UGT1A6: variants seen among roughly 807,000 people sequenced by gnomAD.
UGT1A6 encodes the protein UDP-glucuronosyltransferase 1A6.
In UGT1A6, 32 loss-of-function variants were observed where a neutral mutation model predicts 44.4. The observed-to-expected ratio is 0.72, with a 90% CI of 0.54 to 0.97. UGT1A6 has a LOEUF of 0.97. UGT1A6 is among the 50% of genes least tolerant of loss of function. The pLI is 0.00. For missense variants in UGT1A6, 685 were observed against 661.9 expected (o/e 1.03, Z -0.38); for synonymous variants, 238 against 248.5 (o/e 0.96, Z 0.40).
intron 1 of UGT1A6, chr2:233,729,792 C>A (rs370250320): frequency 4.3e-6 from 7 of 1,613,982 alleles, no homozygotes; most frequent in East Asian, 2.2e-5. Flanking sequence ...CCCTGTCCTA[C>A]ATTTGCCATG....
chr2:233,712,191 C>T (rs1334257892), intron 1 of UGT1A6, among the ~76,000 whole-genome samples: 1 of 152,204 alleles, frequency 6.6e-6, no homozygotes, highest in Non-Finnish European at 1.5e-5. Flanking sequence ...CTCCAGCTCC[C>T]CCGGTCCCTT....
chr2:233,741,332 A>G (rs1691632779), intron 1 of UGT1A6, among the ~76,000 whole-genome samples: 1 of 151,816 alleles, frequency 6.6e-6, no homozygotes, highest in South Asian at 2.1e-4. Context: ...CTCTACCCAG[A>G]GTAGTGATTT....
In UGT1A6 at chr2:233,772,799, AT is replaced by A; in HGVS notation, c.*245del. 3 of 1,169,378 alleles carry A rather than the reference AT, an allele frequency of 2.6e-6. No homozygotes were observed. The highest frequency in any genetic ancestry group is 3.4e-6 in the Non-Finnish European group (3 of 874,384). 72.4% of individuals were successfully genotyped at this position (1,169,378 alleles called of 1,614,324 possible). ...GTCTTTGATCAGGATGACATGTGCC[AT>A]TTTTCAGAGGACGTGCAGACAGGCT... is the stretch of plus-strand genomic sequence containing the variant. On this transcript the variant is annotated 3_prime_UTR_variant, in exon 5 of 5. Transcript: ENST00000305139.
chr2:233,748,732 T>A (rs1233122564), intron 1 of UGT1A6, among the ~76,000 whole-genome samples: 1 of 151,606 alleles, frequency 6.6e-6, no homozygotes, highest in East Asian at 1.9e-4. Context: ...TGTGGGGACA[T>A]CTCAGAGTTC....
intron 1 of UGT1A6, among the ~76,000 whole-genome samples, chr2:233,726,630 ATC>A (rs1038498407): frequency 3.9e-5 from 6 of 152,270 alleles, no homozygotes; most frequent in African/African-American, 1.2e-4. Context: ...ACCCAGGACA[ATC>A]TCCCCATCTT....
Position 233,744,060 on chromosome 2 carries a change from C to A in UGT1A6, c.862-22974C>A, listed in dbSNP as rs1280590393. 1.7e-5 allele frequency: 10 copies of A among 571,720 alleles called. No homozygotes were observed. The African/African-American group carries it at 2.0e-4, about 11-fold the overall frequency. 35.4% of individuals were successfully genotyped at this position (571,720 alleles called of 1,614,324 possible). On this transcript the variant is annotated intron_variant, in intron 1 of 4. Coordinates refer to ENST00000305139, the MANE Select transcript of UGT1A6 (RefSeq NM_001072.4). Reference sequence around the variant, plus strand: ...CGCAGCCACATCTCATTGGTCGAGGCCTATGAGCGCCTCGCATCCCAAGAT... The same window carrying A: ...CGCAGCCACATCTCATTGGTCGAGGACTATGAGCGCCTCGCATCCCAAGAT...
chr2:233,737,385 T>G (rs1256116347), intron 1 of UGT1A6, among the ~76,000 whole-genome samples: 3 of 152,226 alleles, frequency 2.0e-5, no homozygotes, highest in Non-Finnish European at 4.4e-5. Flanking sequence ...AGAATCTCCT[T>G]GTCTGCCAGT....
At chr2:233,746,073 G>A (rs1049176727) in intron 1 of UGT1A6, among the ~76,000 whole-genome samples, 4 of 151,780 alleles carry the variant, frequency 2.6e-5, no homozygotes, top group Admixed American at 6.6e-5. Flanking sequence ...AAGAGAAGAG[G>A]AGTCACTTCT....
At chr2:233,711,559 C>T (rs1421347641) in intron 1 of UGT1A6, among the ~76,000 whole-genome samples, 2 of 152,214 alleles carry the variant, frequency 1.3e-5, no homozygotes, top group Non-Finnish European at 2.9e-5. Context: ...GGAGAGTTCC[C>T]AAAGCCCTTG....
At position 233,713,288 on chromosome 2, in the gene UGT1A6, G is replaced by A. The variant is rs767329942; in HGVS notation, c.861+19423G>A. ...GCCTTTTGCTGGGTCACACTCAATC[G>A]TTCTTTGAAACAGAACATCTTCTGA... On this transcript the variant is annotated intron_variant, in intron 1 of 4. Coordinates refer to ENST00000305139, the MANE Select transcript of UGT1A6 (RefSeq NM_001072.4). 15 of 1,614,084 alleles carry A rather than the reference G, an allele frequency of 9.3e-6. 1 individual carries two copies. The highest frequency in any genetic ancestry group is 6.6e-5 in the South Asian group (6 of 91,090).
rs765612353 is a variant in UGT1A6 at position 233,772,386 on chromosome 2, G to T, written c.1426G>T (p.Ala476Ser). The T allele has an allele frequency of 6.2e-7, 1 of 1,614,110 alleles. No homozygotes were observed. Among genetic ancestry groups the T allele is most frequent in the Non-Finnish European group, 8.5e-7 (1 of 1,180,046 alleles). The change falls in exon 5 of 5, where the codon GCA becomes TCA. Residue 476 changes from alanine (A) to serine (S), a missense_variant. Coordinates refer to ENST00000305139, the MANE Select transcript of UGT1A6 (RefSeq NM_001072.4). Reference sequence around the variant, plus strand: ...CAAGGGCGCGCCACACCTGCGCCCCGCAGCCCACGACCTCACCTGGTACCA... The same window carrying T: ...CAAGGGCGCGCCACACCTGCGCCCCTCAGCCCACGACCTCACCTGGTACCA... ...RHKGAPHLRP[A>S]AHDLTWYQYH...
At chr2:233,708,525 G>A (rs2076022371) in intron 1 of UGT1A6, 1 of 152,220 alleles carries the variant, frequency 6.6e-6, no homozygotes, top group African/African-American at 2.4e-5. Context: ...GCCGAAGCAG[G>A]AGGATAGCTT....
Position 233,693,141 on chromosome 2 carries a change from T to C in UGT1A6, c.137T>C (p.Val46Ala). The C allele has an allele frequency of 6.2e-7, 1 of 1,614,174 alleles. No individual in the cohort carries two copies. The highest frequency in any genetic ancestry group is 8.5e-7 in the Non-Finnish European group (1 of 1,180,026). Residue 46 changes from valine to alanine, a missense_variant, in exon 1 of 5, where the codon GTT (valine) becomes GCT (alanine). Transcript: ENST00000305139. ...CACTGGCTTAGTATGAAGGATATAG[T>C]TGAGGTTCTCAGTGACCGGGGTCAT... ...GSHWLSMKDI[V>A]EVLSDRGHEI...
chr2:233,731,410 T>C (rs2078155663), intron 1 of UGT1A6, among the ~76,000 whole-genome samples: 1 of 152,132 alleles, frequency 6.6e-6, no homozygotes. Flanking sequence ...ACATTAGGTA[T>C]TTTTCCTAAT....
In UGT1A6 at chr2:233,744,645, G is replaced by A. The variant is rs1382975794; in HGVS notation, c.862-22389G>A. 2.0e-5 allele frequency among the ~76,000 whole-genome samples: 3 copies of A among 151,982 alleles called. No homozygotes were observed. In the East Asian group the frequency reaches 5.8e-4, roughly 29 times the overall value. Reference sequence around the variant, plus strand: ...GAGGTGGATTCTCATGTCAGCTTCTGTATTCAATCTACTGTGATATTACAC... The same window carrying A: ...GAGGTGGATTCTCATGTCAGCTTCTATATTCAATCTACTGTGATATTACAC... On this transcript the variant is annotated intron_variant, in intron 1 of 4. Coordinates refer to ENST00000305139, the MANE Select transcript of UGT1A6 (RefSeq NM_001072.4).
chr2:233,733,733 C>T (rs1439271515), intron 1 of UGT1A6, among the ~76,000 whole-genome samples: 1 of 152,152 alleles, frequency 6.6e-6, no homozygotes, highest in Non-Finnish European at 1.5e-5. Flanking sequence ...ATTTTTGCAT[C>T]GATGTTCATC....
rs777601918 is a variant in UGT1A6, at chr2:233,713,151, A to G, written c.861+19286A>G. ...GGAGGCCTTGCGGGACCTCCATGCGAGAGGCCACCAGGTGGTGGTCCTCAC... is the reference window on the plus strand; with the variant it reads ...GGAGGCCTTGCGGGACCTCCATGCGGGAGGCCACCAGGTGGTGGTCCTCAC... On this transcript the variant is annotated intron_variant, in intron 1 of 4. Coordinates refer to ENST00000305139, the MANE Select transcript of UGT1A6 (RefSeq NM_001072.4). 26 of 1,614,124 alleles carry G rather than the reference A, an allele frequency of 1.6e-5. No individual in the cohort carries two copies. Among genetic ancestry groups the G allele is most frequent in the Non-Finnish European group, 2.2e-5 (26 of 1,180,052 alleles).
At chr2:233,729,785 T>C (rs767360644) in intron 1 of UGT1A6, 1 of 1,614,014 alleles carries the variant, frequency 6.2e-7, no homozygotes, top group Non-Finnish European at 8.5e-7. Flanking sequence ...CCTCTGGCCC[T>C]GTCCTACATT....
chr2:233,768,215 C>T lies in UGT1A6; in HGVS notation c.1082-5C>T. The T allele has an allele frequency of 1.2e-6, 2 of 1,614,186 alleles. No individual in the cohort carries two copies. Among genetic ancestry groups the T allele is most frequent in the Admixed American group, 3.3e-5 (2 of 60,020 alleles). On this transcript the variant is annotated splice_polypyrimidine_tract_variant and splice_region_variant and intron_variant, in intron 3 of 4. Coordinates refer to ENST00000305139, the MANE Select transcript of UGT1A6 (RefSeq NM_001072.4). Reference sequence around the variant, plus strand: ...TGCTGACATCCTCCCTATTTTGCATCTCAGGTCACCCGATGACCCGTGCCT... The same window carrying T: ...TGCTGACATCCTCCCTATTTTGCATTTCAGGTCACCCGATGACCCGTGCCT...
Sources: allele counts gnomAD v4.1 joint callset (sites outside exome capture counted in the v4.1 genomes callset), GRCh38; gene constraint gnomAD v4.1.1; transcripts MANE v1.5; gene names NCBI Gene and HGNC (gene_info 2026-07-23, HGNC 2026-07-21).